NOVA1: variants seen among roughly 807,000 people sequenced by gnomAD.
NOVA1 encodes the protein RNA-binding protein Nova-1.
A neutral mutation model predicts 38.0 loss-of-function variants in NOVA1; 7 were observed. The ratio of observed to expected loss-of-function variants is 0.18; its 90% CI spans 0.10 to 0.35. The LOEUF (loss-of-function observed/expected upper bound fraction) is 0.35, where lower values mean the gene tolerates loss of function less well. NOVA1 is among the 10% of genes least tolerant of loss of function. The pLI is 1.00. For missense variants in NOVA1, 460 were observed against 616.0 expected, an observed-to-expected ratio of 0.75 and a Z score of 2.68; for synonymous variants, 270 against 232.5, an observed-to-expected ratio of 1.16 and a Z score of -1.47.
In NOVA1 at chr14:26,597,924, G is replaced by A. The variant is rs1894313192; in HGVS notation, c.-488C>T. ...GTGGATGCCGAGAGAGGAGCGAGCG[G>A]CAGAGGAGGGCAGGAGCCGGGAAGG... On this transcript the variant is annotated 5_prime_UTR_variant, in exon 1 of 5. Coordinates refer to ENST00000539517, the MANE Select transcript of NOVA1 (RefSeq NM_002515.3). Among the ~76,000 whole-genome samples the A allele has an allele frequency of 6.6e-6, 1 of 151,404 alleles. No homozygotes were observed. Among genetic ancestry groups the A allele is most frequent in the Non-Finnish European group, 1.5e-5 (1 of 67,784 alleles).
chr14:26,551,525 A>G (rs555893662), intron 2 of NOVA1, among the ~76,000 whole-genome samples: 5 of 152,188 alleles, frequency 3.3e-5, no homozygotes, highest in East Asian at 1.9e-4. Flanking sequence ...AAAAATGTTA[A>G]GTATAAGTTT....
intron 4 of NOVA1, among the ~76,000 whole-genome samples, chr14:26,452,584 A>AC (rs1158855347): frequency 6.6e-6 from 1 of 152,252 alleles, no homozygotes; most frequent in Admixed American, 6.5e-5. Flanking sequence ...CTAACTGTAT[A>AC]CATGGATTCA....
intron 2 of NOVA1, among the ~76,000 whole-genome samples, chr14:26,546,491 A>T (rs1890796859): frequency 6.6e-6 from 1 of 152,214 alleles, no homozygotes; most frequent in Non-Finnish European, 1.5e-5. Flanking sequence ...AGAATTTAAA[A>T]TTATGGACTA....
intron 2 of NOVA1, among the ~76,000 whole-genome samples, chr14:26,495,579 C>A (rs1334767493): frequency 6.3e-5 from 9 of 142,072 alleles, no homozygotes; most frequent in African/African-American, 1.7e-4. Context: ...ATGTGACATG[C>A]TGGTGCGCTG....
intron 2 of NOVA1, among the ~76,000 whole-genome samples, chr14:26,555,514 C>T (rs1891427969): frequency 6.6e-6 from 1 of 152,070 alleles, no homozygotes; most frequent in African/African-American, 2.4e-5. Context: ...AGGTACAACA[C>T]ACTGAAGAGA....
chr14:26,538,316 G>A (rs545010679), intron 2 of NOVA1, among the ~76,000 whole-genome samples: 12 of 152,034 alleles, frequency 7.9e-5, no homozygotes, highest in Admixed American at 2.0e-4. Context: ...CTTTCAAACT[G>A]ACAAGCCATC....
chr14:26,481,477 G>A (rs1205739707), intron 2 of NOVA1, among the ~76,000 whole-genome samples: 1 of 151,974 alleles, frequency 6.6e-6, no homozygotes, highest in Non-Finnish European at 1.5e-5. Context: ...ACTTCTAGAA[G>A]ACAGAATTAG....
chr14:26,522,009 G>T (rs987729255), intron 2 of NOVA1, among the ~76,000 whole-genome samples: 1 of 151,930 alleles, frequency 6.6e-6, no homozygotes, highest in African/African-American at 2.4e-5. Context: ...TGTTAATACT[G>T]ATCTAGAATG....
intron 2 of NOVA1, among the ~76,000 whole-genome samples, chr14:26,548,254 A>T (rs1890929725): frequency 6.6e-6 from 1 of 152,082 alleles, no homozygotes; most frequent in Admixed American, 6.6e-5. Flanking sequence ...CTAACCCTGA[A>T]TTAAAAGGAA....
At chr14:26,538,589 C>T (rs1028835765) in intron 2 of NOVA1, among the ~76,000 whole-genome samples, 2 of 151,874 alleles carry the variant, frequency 1.3e-5, no homozygotes, top group African/African-American at 4.8e-5. Context: ...AACATCTTTC[C>T]TCTCACCATT....
chr14:26,549,640 T>C (rs1314768395), intron 2 of NOVA1: 1 of 889,796 alleles, frequency 1.1e-6, no homozygotes, highest in Non-Finnish European at 1.6e-6. Flanking sequence ...TTTTCTCTTA[T>C]TGGGCTTTCC....
At chr14:26,571,424 T>G (rs1379903956) in intron 2 of NOVA1, among the ~76,000 whole-genome samples, 4 of 152,200 alleles carry the variant, frequency 2.6e-5, no homozygotes, top group African/African-American at 9.7e-5. Flanking sequence ...CGATGTTCTC[T>G]GTTCCTAAGT....
intron 2 of NOVA1, among the ~76,000 whole-genome samples, chr14:26,556,092 T>C (rs146962059): frequency 1.3e-5 from 2 of 152,246 alleles, no homozygotes; most frequent in African/African-American, 2.4e-5. Context: ...ACTTGATCTA[T>C]AGATGCAATG....
chr14:26,518,428 A>G (rs533200798), intron 2 of NOVA1, among the ~76,000 whole-genome samples: 1 of 152,046 alleles, frequency 6.6e-6, no homozygotes, highest in Non-Finnish European at 1.5e-5. Flanking sequence ...TCTTTTATCA[A>G]TAACACCTTA....
chr14:26,543,393 A>G (rs1371802709), intron 2 of NOVA1, among the ~76,000 whole-genome samples: 1 of 152,020 alleles, frequency 6.6e-6, no homozygotes, highest in Non-Finnish European at 1.5e-5. Context: ...GAGCTAGGCA[A>G]TAAGAAGTTC....
At chr14:26,585,159 A>AT (rs1233394663) in intron 2 of NOVA1, among the ~76,000 whole-genome samples, 1 of 151,450 alleles carries the variant, frequency 6.6e-6, no homozygotes, top group East Asian at 1.9e-4. Context: ...CAATGTATTA[A>AT]TACAAGAAAA....
intron 2 of NOVA1, among the ~76,000 whole-genome samples, chr14:26,498,692 T>C (rs1887009865): frequency 6.6e-6 from 1 of 152,128 alleles, no homozygotes; most frequent in African/African-American, 2.4e-5. Context: ...TAAAAGTGAA[T>C]TTGTCTGACT....
At chr14:26,522,082 T>C (rs746393272) in intron 2 of NOVA1, among the ~76,000 whole-genome samples, 6 of 152,112 alleles carry the variant, frequency 3.9e-5, no homozygotes, top group African/African-American at 1.2e-4. Context: ...CTGCCAAATA[T>C]TGATATCAAT....
At chr14:26,509,614 A>T (rs1399145064) in intron 2 of NOVA1, among the ~76,000 whole-genome samples, 2 of 152,174 alleles carry the variant, frequency 1.3e-5, no homozygotes, top group East Asian at 3.9e-4. Context: ...CATTTGATAC[A>T]TTCTCTAGAT....
Sources: allele counts gnomAD v4.1 joint callset (sites outside exome capture counted in the v4.1 genomes callset), GRCh38; gene constraint gnomAD v4.1.1; transcripts MANE v1.5; gene names NCBI Gene and HGNC (gene_info 2026-07-23, HGNC 2026-07-21).